The following CTNNA3 variants were observed in gnomAD, a reference collection of about 807,000 sequenced individuals.
CTNNA3 encodes the protein catenin alpha 3.
CTNNA3 carries 76 observed loss-of-function variants against 95.7 expected under a neutral mutation model. That is an observed-to-expected ratio of 0.79 (90% CI 0.66 to 0.96). The LOEUF (loss-of-function observed/expected upper bound fraction) is 0.96, where lower values mean the gene tolerates loss of function less well. Among genes scored for constraint, CTNNA3 ranks in the 40% least tolerant of loss-of-function variants. The pLI is 0.00. For missense variants in CTNNA3, 1,191 were observed against 1,089.8 expected (o/e 1.09, Z -1.31); for synonymous variants, 431 against 374.4 (o/e 1.15, Z -1.74).
chr10:66,771,806 T>C (rs1456193400), intron 8 of CTNNA3, among the ~76,000 whole-genome samples: 1 of 152,180 alleles, frequency 6.6e-6, no homozygotes, highest in East Asian at 1.9e-4. Context: ...GCTATCATTA[T>C]AAGGACTTAA....
At chr10:66,867,271 T>C (rs1409295047) in intron 7 of CTNNA3, among the ~76,000 whole-genome samples, 1 of 152,228 alleles carries the variant, frequency 6.6e-6, no homozygotes, top group African/African-American at 2.4e-5. Flanking sequence ...ATTAGCATTT[T>C]GTTATTAAGT....
At chr10:67,287,104 C>T (rs1589127716) in intron 5 of CTNNA3, among the ~76,000 whole-genome samples, 2 of 152,036 alleles carry the variant, frequency 1.3e-5, no homozygotes, top group Admixed American at 6.6e-5. Context: ...CTTTGGGAGG[C>T]GGAGGCAGGT....
intron 11 of CTNNA3, among the ~76,000 whole-genome samples, chr10:66,411,145 T>A (rs1028678655): frequency 6.6e-6 from 1 of 152,230 alleles, no homozygotes; most frequent in Non-Finnish European, 1.5e-5. Context: ...TTAATATGCC[T>A]AAAATTATTT....
chr10:67,013,244 A>G (rs906719273), intron 7 of CTNNA3, among the ~76,000 whole-genome samples: 1 of 151,544 alleles, frequency 6.6e-6, no homozygotes, highest in Admixed American at 6.6e-5. Flanking sequence ...TACTCTATTA[A>G]GTTGCCTCTC....
At chr10:67,457,814 C>T (rs1227232095) in intron 5 of CTNNA3, among the ~76,000 whole-genome samples, 2 of 152,122 alleles carry the variant, frequency 1.3e-5, no homozygotes, top group Non-Finnish European at 2.9e-5. Flanking sequence ...CTCATGCTGC[C>T]ATCTCTCTCC....
intron 7 of CTNNA3, among the ~76,000 whole-genome samples, chr10:67,056,064 G>T (rs1855408784): frequency 6.6e-6 from 1 of 152,052 alleles, no homozygotes; most frequent in African/African-American, 2.4e-5. Flanking sequence ...AAGAATGCTT[G>T]TAAAGTATTG....
chr10:66,181,290 T>C (rs977290276), intron 13 of CTNNA3, among the ~76,000 whole-genome samples: 11 of 152,164 alleles, frequency 7.2e-5, no homozygotes, highest in Non-Finnish European at 1.5e-4. Context: ...TGAAATAAAA[T>C]TTTCTTCAGT....
At chr10:67,382,775 A>G (rs1191037795) in intron 5 of CTNNA3, among the ~76,000 whole-genome samples, 2 of 152,142 alleles carry the variant, frequency 1.3e-5, no homozygotes, top group African/African-American at 4.8e-5. Context: ...GGAAGCTTTT[A>G]CTCATAGCAG....
intron 7 of CTNNA3, among the ~76,000 whole-genome samples, chr10:67,164,768 A>C (rs890610588): frequency 1.3e-5 from 2 of 152,234 alleles, no homozygotes; most frequent in East Asian, 3.8e-4. Context: ...ATGTACAGAC[A>C]GCAAATAAAC....
At chr10:66,793,247 T>A (rs950507049) in intron 7 of CTNNA3, among the ~76,000 whole-genome samples, 2 of 152,084 alleles carry the variant, frequency 1.3e-5, no homozygotes, top group African/African-American at 2.4e-5. Context: ...GTGCAGGTGA[T>A]CCTCCCACCT....
At chr10:67,235,389 A>T (rs1339647624) in intron 5 of CTNNA3, among the ~76,000 whole-genome samples, 1 of 152,230 alleles carries the variant, frequency 6.6e-6, no homozygotes, top group South Asian at 2.1e-4. Context: ...TCTTTGACAA[A>T]CCTGAGAAAA....
intron 11 of CTNNA3, among the ~76,000 whole-genome samples, chr10:66,462,716 A>G (rs2093538020): frequency 6.6e-6 from 1 of 152,118 alleles, no homozygotes; most frequent in Non-Finnish European, 1.5e-5. Context: ...ACAACTTTAT[A>G]ATATAGATAC....
At chr10:67,008,292 T>C (rs991154976) in intron 7 of CTNNA3, among the ~76,000 whole-genome samples, 14 of 152,170 alleles carry the variant, frequency 9.2e-5, no homozygotes, top group Non-Finnish European at 1.6e-4. Flanking sequence ...CATTGTTCAT[T>C]CATAGTTTCT....
intron 2 of CTNNA3, among the ~76,000 whole-genome samples, chr10:67,645,246 A>T (rs1018651650): frequency 2.6e-5 from 4 of 152,118 alleles, no homozygotes; most frequent in Non-Finnish European, 5.9e-5. Context: ...ATGTGAATTT[A>T]CTTAGAATAC....
At chr10:66,334,830 C>T (rs986338195) in intron 12 of CTNNA3, among the ~76,000 whole-genome samples, 2 of 152,066 alleles carry the variant, frequency 1.3e-5, no homozygotes, top group Non-Finnish European at 2.9e-5. Flanking sequence ...CAGTGTTTTC[C>T]AACTTGGTTC....
At chr10:66,112,091 T>A (rs2082141591) in intron 13 of CTNNA3, among the ~76,000 whole-genome samples, 1 of 152,222 alleles carries the variant, frequency 6.6e-6, no homozygotes, top group South Asian at 2.1e-4. Flanking sequence ...TCGGTAAATC[T>A]GTTGAGTTCA....
chr10:66,442,829 C>T (rs2093385212), intron 11 of CTNNA3, among the ~76,000 whole-genome samples: 1 of 152,174 alleles, frequency 6.6e-6, no homozygotes, highest in African/African-American at 2.4e-5. Context: ...GGGTGCAGTG[C>T]ACCATGCACG....
intron 3 of CTNNA3, among the ~76,000 whole-genome samples, chr10:67,540,197 G>T (rs1215381308): frequency 1.3e-5 from 2 of 151,856 alleles, no homozygotes; most frequent in Non-Finnish European, 2.9e-5. Flanking sequence ...AGAATATTGT[G>T]TCCACTATTT....
At chr10:67,219,058 TA>T (rs1174189564) in intron 6 of CTNNA3, among the ~76,000 whole-genome samples, 4 of 152,204 alleles carry the variant, frequency 2.6e-5, no homozygotes, top group African/African-American at 9.7e-5. Context: ...TGTTGTCACT[TA>T]AACACAGGGC....
Sources: allele counts gnomAD v4.1 joint callset (sites outside exome capture counted in the v4.1 genomes callset), GRCh38; gene constraint gnomAD v4.1.1; transcripts MANE v1.5; gene names NCBI Gene and HGNC (gene_info 2026-07-23, HGNC 2026-07-21).